Variants in CA10 observed in about 807,000 individuals in gnomAD.
CA10 encodes carbonic anhydrase 10 (inactive), also known as carbonic anhydrase-related protein 10.
A neutral mutation model predicts 44.2 loss-of-function variants in CA10; 14 were observed. The ratio of observed to expected loss-of-function variants is 0.32; its 90% CI spans 0.21 to 0.50. The LOEUF is 0.50. Ranked by LOEUF, CA10 falls within the 20% of genes least tolerant of loss-of-function variation. The probability of loss-of-function intolerance (pLI) is 0.99; values close to 1 mark genes in which losing one functional copy is unlikely to be tolerated. For synonymous variants in CA10, 159 were observed against 141.6 expected (o/e 1.12, Z -0.87); for missense variants, 350 against 409.7 (o/e 0.85, Z 1.26).
intron 4 of CA10, among the ~76,000 whole-genome samples, chr17:51,719,857 C>A (rs1031736228): frequency 1.3e-5 from 2 of 152,052 alleles, no homozygotes; most frequent in Non-Finnish European, 2.9e-5. Flanking sequence ...ACAACTGCAG[C>A]CTGGGTGGCA....
At chr17:52,107,971 A>G (rs1988696002) in intron 1 of CA10, among the ~76,000 whole-genome samples, 1 of 152,068 alleles carries the variant, frequency 6.6e-6, no homozygotes, top group African/African-American at 2.4e-5. Flanking sequence ...TGATTGACTT[A>G]GCAATAATCT....
chr17:51,835,077 C>G (rs1359080244), intron 3 of CA10, among the ~76,000 whole-genome samples: 2 of 152,194 alleles, frequency 1.3e-5, no homozygotes, highest in Non-Finnish European at 1.5e-5. Flanking sequence ...CAAAAGCAAT[C>G]TGACCTTGTG....
At chr17:51,820,403 C>CT (rs1907726929) in intron 3 of CA10, among the ~76,000 whole-genome samples, 2 of 55,532 alleles carry the variant, frequency 3.6e-5, no homozygotes, top group Non-Finnish European at 6.6e-5. Flanking sequence ...GGGGATTCCC[C>CT]TACCCCCCCC....
At chr17:51,822,648 T>C (rs1403996657) in intron 3 of CA10, among the ~76,000 whole-genome samples, 1 of 152,186 alleles carries the variant, frequency 6.6e-6, no homozygotes, top group Admixed American at 6.5e-5. Context: ...GTCTGGCACA[T>C]AGTAGGTACT....
chr17:52,024,653 C>T (rs1986244936), intron 2 of CA10, among the ~76,000 whole-genome samples: 1 of 152,062 alleles, frequency 6.6e-6, no homozygotes, highest in Non-Finnish European at 1.5e-5. Flanking sequence ...GCTACTTCCT[C>T]ATCCACAGAT....
intron 3 of CA10, among the ~76,000 whole-genome samples, chr17:51,843,423 T>C (rs560449660): frequency 6.6e-6 from 1 of 152,340 alleles, no homozygotes; most frequent in African/African-American, 2.4e-5. Flanking sequence ...TGCACACTGG[T>C]TTAAGACTTC....
intron 3 of CA10, among the ~76,000 whole-genome samples, chr17:51,848,672 T>C (rs553096875): frequency 1.3e-5 from 2 of 152,188 alleles, no homozygotes; most frequent in South Asian, 2.1e-4. Flanking sequence ...AGGAAGAAAA[T>C]AGTCACTATG....
intron 4 of CA10, among the ~76,000 whole-genome samples, chr17:51,704,292 T>A (rs1289737210): frequency 6.6e-6 from 1 of 152,190 alleles, no homozygotes; most frequent in Non-Finnish European, 1.5e-5. Flanking sequence ...AAATATGACA[T>A]AACCAATACT....
intron 3 of CA10, among the ~76,000 whole-genome samples, chr17:51,927,351 A>G (rs1982474738): frequency 6.6e-6 from 1 of 152,194 alleles, no homozygotes; most frequent in Non-Finnish European, 1.5e-5. Flanking sequence ...GGTTAAAATG[A>G]TAGAATCGGC....
intron 4 of CA10, among the ~76,000 whole-genome samples, chr17:51,716,900 C>T (rs1916131681): frequency 6.6e-6 from 1 of 152,172 alleles, no homozygotes; most frequent in Non-Finnish European, 1.5e-5. Flanking sequence ...AGTTTATAGT[C>T]TTCTGAGCTT....
At chr17:51,950,444 T>C (rs1390966772) in intron 2 of CA10, among the ~76,000 whole-genome samples, 1 of 152,150 alleles carries the variant, frequency 6.6e-6, no homozygotes, top group Non-Finnish European at 1.5e-5. Flanking sequence ...CGCAGGGAAC[T>C]GGAGGGTGAG....
At position 52,030,481 on chromosome 17, in the gene CA10, C is replaced by T. The variant is rs1986432823; in HGVS notation, c.136+41838G>A. The stretch of plus-strand genomic sequence containing the variant: ...GAAGAATCCCACATAAATGGAAGCA[C>T]AGGAGGCACAAATGGGATTCCATTT... On this transcript the variant is annotated intron_variant, in intron 2 of 8. Coordinates refer to ENST00000451037, the MANE Select transcript of CA10 (RefSeq NM_020178.5). 2.6e-5 allele frequency among the ~76,000 whole-genome samples: 4 copies of T among 152,268 alleles called. No individual in the cohort carries two copies. In the South Asian group the frequency reaches 8.3e-4, roughly 32 times the overall value.
At position 51,862,462 on chromosome 17, in the gene CA10, C is replaced by T. The variant is rs991844730; in HGVS notation, c.279+68528G>A. ...TGGCTTCAACCTTAGCACCTTCTCC[C>T]ACCTCAAGGTGTGCATTATACTCTA... On this transcript the variant is annotated intron_variant, in intron 3 of 8. Transcript: ENST00000451037. Among the ~76,000 whole-genome samples, 31 of 152,048 alleles carry T rather than the reference C, an allele frequency of 2.0e-4. 1 individual carries two copies. Among genetic ancestry groups the T allele is most frequent in the African/African-American group, 7.5e-4 (31 of 41,386 alleles).
chr17:51,681,508 A>G (rs1914844771), intron 4 of CA10, among the ~76,000 whole-genome samples: 1 of 152,166 alleles, frequency 6.6e-6, no homozygotes, highest in South Asian at 2.1e-4. Flanking sequence ...GCTACCTTGT[A>G]CATTGTAGGA....
intron 2 of CA10, among the ~76,000 whole-genome samples, chr17:52,057,900 T>G (rs552050881): frequency 1.1e-4 from 14 of 129,292 alleles, no homozygotes; most frequent in African/African-American, 4.0e-4. Flanking sequence ...GTGTAGATCC[T>G]GAAGTTCCAA....
chr17:51,728,686 C>T (rs1384690414), intron 4 of CA10, among the ~76,000 whole-genome samples: 3 of 152,194 alleles, frequency 2.0e-5, no homozygotes, highest in Non-Finnish European at 4.4e-5. Flanking sequence ...GCTTTGATCA[C>T]TTGGCCCAGG....
rs368350526 is a variant in CA10 at position 52,157,529 on chromosome 17, A to ACCCC, written c.61+193_61+196dup. On this transcript the variant is annotated intron_variant, in intron 1 of 8. Transcript: ENST00000451037. ...CTAGGACTGCACACAGATCCTAACC[A>ACCCC]CCCCCCCCCGCAAAACACACACATT... is the stretch of plus-strand genomic sequence containing the variant. 3.1e-3 allele frequency among the ~76,000 whole-genome samples: 342 copies of ACCCC among 110,294 alleles called. 7 individuals carry two copies. The highest frequency in any genetic ancestry group is 6.4e-3 in the African/African-American group (171 of 26,698). The allele number at this position is 110,294 out of a possible 152,430, so 72.4% of individuals were successfully genotyped here. A position where few individuals can be genotyped will look rare whatever the true frequency, so the allele number is the denominator to read the frequency against.
intron 4 of CA10, among the ~76,000 whole-genome samples, chr17:51,674,078 A>G (rs984550588): frequency 3.9e-5 from 6 of 152,294 alleles, no homozygotes; most frequent in East Asian, 1.9e-4. Flanking sequence ...CATCATGCCC[A>G]CAACATACCT....
At position 51,844,985 on chromosome 17, in the gene CA10, C is replaced by T. The variant is rs569913416; in HGVS notation, c.279+86005G>A. Among the ~76,000 whole-genome samples, 113 of 152,174 alleles carry T rather than the reference C, an allele frequency of 7.4e-4. 1 individual carries two copies. The highest frequency in any genetic ancestry group is 2.7e-3 in the African/African-American group (110 of 41,494). ...GGTGCTCTCAGACAAAGAGATACACCGACAGAAGACAGCCATGTGAAGATG... is the reference window on the plus strand; with the variant it reads ...GGTGCTCTCAGACAAAGAGATACACTGACAGAAGACAGCCATGTGAAGATG... On this transcript the variant is annotated intron_variant, in intron 3 of 8. Transcript: ENST00000451037.
Sources: gnomAD v4.1 joint callset for allele counts (sites outside exome capture counted in the v4.1 genomes callset) on GRCh38, gnomAD v4.1.1 for gene constraint, MANE v1.5 for transcripts, NCBI Gene and HGNC (gene_info 2026-07-23, HGNC 2026-07-21) for gene names.